Variants in CLASP1 observed in about 807,000 individuals in gnomAD.
CLASP1 encodes the protein cytoplasmic linker associated protein 1.
CLASP1 carries 38 observed loss-of-function variants against 192.3 expected under a neutral mutation model. The observed-to-expected ratio is 0.20, with a 90% CI of 0.15 to 0.26. The LOEUF is 0.26. Among genes scored for constraint, CLASP1 ranks in the 10% least tolerant of loss-of-function variants. The pLI is 1.00. For synonymous variants in CLASP1, 691 were observed against 712.8 expected, an observed-to-expected ratio of 0.97 and a Z score of 0.49; for missense variants, 1,433 against 1,932.5, an observed-to-expected ratio of 0.74 and a Z score of 4.85.
At chr2:121,624,111 T>C (rs1474868003) in intron 1 of CLASP1, among the ~76,000 whole-genome samples, 1 of 152,154 alleles carries the variant, frequency 6.6e-6, no homozygotes, top group East Asian at 1.9e-4. Flanking sequence ...TGATTTTCCC[T>C]ACTTTTTTTC....
At chr2:121,387,621 A>G in intron 31 of CLASP1, 142 bp downstream of exon 32, 3 of 762,560 alleles carry the variant, frequency 3.9e-6, no homozygotes, top group Non-Finnish European at 6.3e-6. Context: ...ACTGGGGCTT[A>G]AGATGGCCCC....
rs114940985 is a variant in CLASP1 at position 121,455,172 on chromosome 2, G to A, written c.1385+2515C>T. Among the ~76,000 whole-genome samples, 639 of 152,276 alleles carry A rather than the reference G, an allele frequency of 4.2e-3. 1 individual carries two copies. The highest frequency in any genetic ancestry group is 7.7e-3 in the Non-Finnish European group (525 of 67,998). ...GTACGCACTTGAGCCACACAGTAAG[G>A]AATTACATTTTTTCAGTGGAAGGTA... On this transcript the variant is annotated intron_variant, in intron 14 of 39. Coordinates refer to ENST00000263710, the Ensembl canonical transcript of CLASP1.
At chr2:121,646,552 G>A (rs1257642727) in intron 1 of CLASP1, among the ~76,000 whole-genome samples, 4 of 152,076 alleles carry the variant, frequency 2.6e-5, no homozygotes, top group Admixed American at 2.6e-4. Context: ...TCTAACATTT[G>A]TAATCACTTA....
intron 7 of CLASP1, among the ~76,000 whole-genome samples, chr2:121,513,245 A>G (rs1334376747): frequency 6.6e-6 from 1 of 152,226 alleles, no homozygotes; most frequent in Non-Finnish European, 1.5e-5. Flanking sequence ...AAAGAACAGC[A>G]TAGTTCTCCA....
chr2:121,513,905 C>A (rs977306648), intron 7 of CLASP1, among the ~76,000 whole-genome samples: 9 of 152,204 alleles, frequency 5.9e-5, no homozygotes, highest in African/African-American at 1.9e-4. Flanking sequence ...AAATGCCAGA[C>A]TCTCAGAAGG....
At chr2:121,529,484 A>G (rs2094690854) in intron 3 of CLASP1, among the ~76,000 whole-genome samples, 1 of 152,220 alleles carries the variant, frequency 6.6e-6, no homozygotes. Context: ...TTTCAGAAGG[A>G]GCATATTGGT....
At chr2:121,531,317 C>T (rs1312242239) in intron 2 of CLASP1, among the ~76,000 whole-genome samples, 2 of 152,128 alleles carry the variant, frequency 1.3e-5, no homozygotes, top group Admixed American at 6.5e-5. Flanking sequence ...TAATCCAGGT[C>T]GGGCGCGGTG....
rs2093821788 is a variant in CLASP1 at position 121,503,293 on chromosome 2, T to C, written c.645-59A>G. ...CCATCACTGCTCATAGCCAATTATA[T>C]TAAAATGCTAATGTGAAGTTGATCC... is the stretch of plus-strand genomic sequence containing the variant. On this transcript the variant is annotated intron_variant, in intron 7 of 39. Transcript: ENST00000263710. The C allele has an allele frequency of 1.1e-5, 11 of 989,244 alleles. No individual in the cohort carries two copies. The South Asian group carries it at 1.6e-4, about 14-fold the overall frequency. 61.3% of individuals were successfully genotyped at this position (989,244 alleles called of 1,614,324 possible).
intron 8 of CLASP1, among the ~76,000 whole-genome samples, chr2:121,487,025 T>A (rs995879538): frequency 4.6e-5 from 7 of 152,180 alleles, no homozygotes; most frequent in African/African-American, 1.7e-4. Flanking sequence ...TATAATCATC[T>A]TACCCTCAAA....
intron 2 of CLASP1, among the ~76,000 whole-genome samples, chr2:121,536,302 A>G (rs1479415112): frequency 6.9e-6 from 1 of 144,892 alleles, no homozygotes; most frequent in Non-Finnish European, 1.5e-5. Context: ...AATCGCATGA[A>G]CCTGGGAGGC....
At chr2:121,462,374 G>T (rs1426313522) in intron 10 of CLASP1, among the ~76,000 whole-genome samples, 158 bp downstream of exon 10, 1 of 151,958 alleles carries the variant, frequency 6.6e-6, no homozygotes, top group Non-Finnish European at 1.5e-5. Context: ...CTTGACTTTT[G>T]CTCCAACATT....
chr2:121,433,193 A>G (rs1233683376), intron 19 of CLASP1, among the ~76,000 whole-genome samples: 1 of 151,966 alleles, frequency 6.6e-6, no homozygotes, highest in Non-Finnish European at 1.5e-5. Context: ...ATGGTGGCGC[A>G]TGTCTGTAAT....
At chr2:121,591,900 G>A (rs1197780011) in intron 2 of CLASP1, among the ~76,000 whole-genome samples, 4 of 152,174 alleles carry the variant, frequency 2.6e-5, no homozygotes, top group Non-Finnish European at 1.5e-5. Flanking sequence ...AAAATCCCAT[G>A]TAAAATGCAG....
chr2:121,407,934 T>A, intron 24 of CLASP1: 8 of 675,742 alleles, frequency 1.2e-5, no homozygotes, highest in South Asian at 1.0e-4. Context: ...AGGGAAAGAG[T>A]ATGGCCTCTA....
chr2:121,642,145 C>T (rs72956554), intron 1 of CLASP1, among the ~76,000 whole-genome samples: 208 of 151,940 alleles, frequency 1.4e-3, no homozygotes, highest in African/African-American at 4.7e-3. Flanking sequence ...TACTCAGACA[C>T]AGTGGCTCAC....
intron 2 of CLASP1, 195 bp from the exon 3 acceptor site, chr2:121,530,520 TG>T (rs1184229926): frequency 7.1e-6 from 4 of 564,608 alleles, no homozygotes; most frequent in South Asian, 2.4e-5. Flanking sequence ...ACAGCTATAA[TG>T]GAAAATACTC....
At chr2:121,441,676 C>A (rs1028496129) in intron 19 of CLASP1, among the ~76,000 whole-genome samples, 4 of 151,888 alleles carry the variant, frequency 2.6e-5, no homozygotes, top group African/African-American at 9.7e-5. Context: ...CCTGGCAGGT[C>A]AAGGGTGCAG....
chr2:121,498,964 G>A (rs62151096), intron 8 of CLASP1, among the ~76,000 whole-genome samples: 5,405 of 152,312 alleles, frequency 0.035, 148 homozygotes, highest in Non-Finnish European at 0.057. Context: ...CTTACAGGTT[G>A]CTGGTAAGAA....
intron 8 of CLASP1, among the ~76,000 whole-genome samples, chr2:121,478,939 CCACA>C (rs2092268696): frequency 2.8e-5 from 1 of 36,130 alleles, no homozygotes; most frequent in Non-Finnish European, 5.8e-5. Context: ...ACAACACCCC[CCACA>C]CACACACCAC....
Sources: gnomAD v4.1 joint callset for allele counts (sites outside exome capture counted in the v4.1 genomes callset) on GRCh38, gnomAD v4.1.1 for gene constraint, MANE v1.5 for transcripts, NCBI Gene and HGNC (gene_info 2026-07-23, HGNC 2026-07-21) for gene names.